SCD5: variants seen among roughly 807,000 people sequenced by gnomAD.
SCD5 encodes the protein stearoyl-CoA desaturase 5, also known as acyl-CoA-desaturase 4.
SCD5 carries 20 observed loss-of-function variants against 30.4 expected under a neutral mutation model. That is an observed-to-expected ratio of 0.66 (90% CI 0.46 to 0.96). The LOEUF (loss-of-function observed/expected upper bound fraction) is 0.96. Among genes scored for constraint, SCD5 ranks in the 40% least tolerant of loss-of-function variants. SCD5 has a pLI of 0.00. For missense variants in SCD5, 381 were observed against 443.3 expected, an observed-to-expected ratio of 0.86 and a Z score of 1.26; for synonymous variants, 173 against 176.4, an observed-to-expected ratio of 0.98 and a Z score of 0.16.
At chr4:82,742,313 C>T (rs1720892227) in intron 1 of SCD5, among the ~76,000 whole-genome samples, 1 of 152,088 alleles carries the variant, frequency 6.6e-6, no homozygotes, top group African/African-American at 2.4e-5. Context: ...GTAGAGTGTG[C>T]CCTGGGGACC....
intron 1 of SCD5, among the ~76,000 whole-genome samples, chr4:82,706,240 C>T (rs1414457091): frequency 2.0e-5 from 3 of 152,106 alleles, no homozygotes; most frequent in Non-Finnish European, 4.4e-5. Context: ...CAAGTAAAAT[C>T]TAGAATGGAA....
chr4:82,641,844 CAT>C (rs1358481778), intron 3 of SCD5, among the ~76,000 whole-genome samples: 3 of 152,002 alleles, frequency 2.0e-5, no homozygotes, highest in African/African-American at 7.3e-5. Flanking sequence ...TAACAGACTC[CAT>C]GTTAGAGAGA....
intron 2 of SCD5, among the ~76,000 whole-genome samples, chr4:82,704,676 G>C (rs1219925142): frequency 2.6e-5 from 4 of 152,308 alleles, no homozygotes; most frequent in Admixed American, 1.3e-4. Context: ...TTCACAGCCA[G>C]CACCCATCAG....
chr4:82,663,195 A>G (rs575856724), intron 3 of SCD5, among the ~76,000 whole-genome samples: 30 of 152,232 alleles, frequency 2.0e-4, no homozygotes, highest in Non-Finnish European at 4.0e-4. Context: ...CCAAGGAGAG[A>G]CAGTACACAT....
At chr4:82,670,875 A>G (rs967668552) in intron 3 of SCD5, among the ~76,000 whole-genome samples, 14 of 152,040 alleles carry the variant, frequency 9.2e-5, no homozygotes, top group Non-Finnish European at 8.8e-5. Flanking sequence ...TGGAAATATC[A>G]ATTTATTTCC....
At chr4:82,721,869 C>T (rs1475126700) in intron 1 of SCD5, among the ~76,000 whole-genome samples, 3 of 152,200 alleles carry the variant, frequency 2.0e-5, no homozygotes, top group Admixed American at 6.5e-5. Flanking sequence ...AGAAGTATCA[C>T]CTCTTAAATT....
At chr4:82,710,894 CAGAGAGAG>C (rs34374340) in intron 1 of SCD5, among the ~76,000 whole-genome samples, 3 of 149,838 alleles carry the variant, frequency 2.0e-5, no homozygotes, top group Admixed American at 6.6e-5. Context: ...GAAAACGAGA[CAGAGAGAG>C]AGAGAGAGAG....
intron 3 of SCD5, among the ~76,000 whole-genome samples, chr4:82,657,409 A>G (rs1727886449): frequency 6.6e-6 from 1 of 152,154 alleles, no homozygotes; most frequent in South Asian, 2.1e-4. Flanking sequence ...AGATGGTTGT[A>G]GATGTGTGGC....
At chr4:82,763,500 G>A (rs1368382732) in intron 1 of SCD5, among the ~76,000 whole-genome samples, 1 of 152,154 alleles carries the variant, frequency 6.6e-6, no homozygotes, top group African/African-American at 2.4e-5. Context: ...GACAAAGCGA[G>A]ACTCTGTCTC....
chr4:82,682,237 G>A (rs1246253420), intron 2 of SCD5, among the ~76,000 whole-genome samples: 1 of 152,188 alleles, frequency 6.6e-6, no homozygotes, highest in Non-Finnish European at 1.5e-5. Flanking sequence ...CAGTGCATGT[G>A]GGGAGCACAC....
chr4:82,761,084 T>C (rs961422003), intron 1 of SCD5, among the ~76,000 whole-genome samples: 2 of 152,184 alleles, frequency 1.3e-5, no homozygotes, highest in African/African-American at 4.8e-5. Flanking sequence ...TTTGACAGAA[T>C]CCAATGCTAG....
At chr4:82,684,657 G>C (rs1430186925) in intron 2 of SCD5, among the ~76,000 whole-genome samples, 1 of 152,092 alleles carries the variant, frequency 6.6e-6, no homozygotes, top group Non-Finnish European at 1.5e-5. Flanking sequence ...TAATGAGGAG[G>C]GAGAGATGGC....
At chr4:82,736,642 T>C (rs1431504636) in intron 1 of SCD5, among the ~76,000 whole-genome samples, 1 of 152,044 alleles carries the variant, frequency 6.6e-6, no homozygotes, top group African/African-American at 2.4e-5. Context: ...AGTAATATTA[T>C]ATTTCATTTT....
At chr4:82,669,416 A>G (rs960742420) in intron 3 of SCD5, among the ~76,000 whole-genome samples, 1 of 152,260 alleles carries the variant, frequency 6.6e-6, no homozygotes, top group African/African-American at 2.4e-5. Context: ...ACTGAAAAAA[A>G]GTCAACAACT....
chr4:82,650,772 A>C (rs1169142298), intron 3 of SCD5, among the ~76,000 whole-genome samples: 1 of 152,128 alleles, frequency 6.6e-6, no homozygotes, highest in African/African-American at 2.4e-5. Flanking sequence ...CTGTATGGGA[A>C]ATTAAAACTG....
rs887712787 is a variant in SCD5, at chr4:82,790,175, G to C, written c.232+8131C>G. The stretch of plus-strand genomic sequence containing the variant: ...CCTGAATAACTTCACACATCCCACC[G>C]ACAAGTGCTGGTCTAGAAATTGGGC... On this transcript the variant is annotated intron_variant, in intron 1 of 4. Transcript: ENST00000319540. Among the ~76,000 whole-genome samples, 7 of 152,098 alleles carry C rather than the reference G, an allele frequency of 4.6e-5. No individual in the cohort carries two copies. The East Asian group carries it at 7.7e-4, about 17-fold the overall frequency.
At chr4:82,755,306 C>A (rs1721210732) in intron 1 of SCD5, among the ~76,000 whole-genome samples, 1 of 152,034 alleles carries the variant, frequency 6.6e-6, no homozygotes, top group Non-Finnish European at 1.5e-5. Flanking sequence ...TTGAGACCAG[C>A]CTGGCCAACA....
At chr4:82,793,659 A>T (rs1722146497) in intron 1 of SCD5, among the ~76,000 whole-genome samples, 1 of 152,204 alleles carries the variant, frequency 6.6e-6, no homozygotes, top group South Asian at 2.1e-4. Context: ...ATTAACACCA[A>T]CCAAGAGCCA....
intron 1 of SCD5, among the ~76,000 whole-genome samples, chr4:82,705,803 G>C (rs999637094): frequency 6.6e-6 from 1 of 152,196 alleles, no homozygotes; most frequent in African/African-American, 2.4e-5. Context: ...ACATGACAGG[G>C]TGAGTGTTAT....
Sources: gnomAD v4.1 joint callset for allele counts (sites outside exome capture counted in the v4.1 genomes callset) on GRCh38, gnomAD v4.1.1 for gene constraint, MANE v1.5 for transcripts, NCBI Gene and HGNC (gene_info 2026-07-23, HGNC 2026-07-21) for gene names.